Variants in SLMAP observed in about 807,000 individuals in gnomAD.
SLMAP encodes the protein sarcolemmal membrane-associated protein.
Under a neutral mutation model 128.8 loss-of-function variants are expected in SLMAP, and 44 were observed. The ratio of observed to expected loss-of-function variants is 0.34; its 90% CI spans 0.27 to 0.44. SLMAP has a LOEUF of 0.44. Among genes scored for constraint, SLMAP ranks in the 20% least tolerant of loss-of-function variants. The probability of loss-of-function intolerance (pLI) is 1.00; values close to 1 mark genes in which losing one functional copy is unlikely to be tolerated. For missense variants in SLMAP, 787 were observed against 985.3 expected (o/e 0.80, Z 2.69); for synonymous variants, 327 against 348.8 (o/e 0.94, Z 0.70).
chr3:57,760,720 T>TAA (rs879442621), intron 2 of SLMAP, among the ~76,000 whole-genome samples: 2 of 144,034 alleles, frequency 1.4e-5, no homozygotes. Context: ...CCCTGTCTCT[T>TAA]AAAAAAAAAA....
chr3:57,853,553 C>A (rs2094581624), intron 6 of SLMAP, among the ~76,000 whole-genome samples: 1 of 152,058 alleles, frequency 6.6e-6, no homozygotes, highest in South Asian at 2.1e-4. Context: ...AGCATTTCAC[C>A]TTGATTCTGA....
intron 14 of SLMAP, among the ~76,000 whole-genome samples, chr3:57,874,202 G>C (rs544335280): frequency 2.0e-5 from 3 of 152,270 alleles, no homozygotes; most frequent in African/African-American, 7.2e-5. Flanking sequence ...TAAGGTGGGA[G>C]GACCCCCTGA....
intron 17 of SLMAP, chr3:57,897,237 A>C: frequency 1.8e-6 from 1 of 560,414 alleles, no homozygotes; most frequent in Non-Finnish European, 2.7e-6. Flanking sequence ...CGCTTTTAAC[A>C]TAATTAGAAT....
chr3:57,835,607 C>T (rs2093603199), intron 3 of SLMAP, among the ~76,000 whole-genome samples: 2 of 151,914 alleles, frequency 1.3e-5, no homozygotes, highest in African/African-American at 2.4e-5. Flanking sequence ...GTAGTTGTGT[C>T]GCTGAATAAC....
intron 22 of SLMAP, among the ~76,000 whole-genome samples, chr3:57,920,124 C>T (rs2096889845): frequency 6.6e-6 from 1 of 152,208 alleles, no homozygotes; most frequent in South Asian, 2.1e-4. Flanking sequence ...GATCATGGGT[C>T]ATTGAGAATT....
At chr3:57,917,250 T>C (rs2096831755) in intron 22 of SLMAP, 173 bp downstream of exon 22, 2 of 1,461,748 alleles carry the variant, frequency 1.4e-6, no homozygotes, top group Non-Finnish European at 1.8e-6. Context: ...ATGGTCCATA[T>C]GTAGAGAATT....
intron 14 of SLMAP, among the ~76,000 whole-genome samples, chr3:57,872,964 C>T (rs1172668157): frequency 6.6e-6 from 1 of 152,074 alleles, no homozygotes; most frequent in Non-Finnish European, 1.5e-5. Flanking sequence ...CCCCCGCTAC[C>T]CTGCCCCACT....
intron 2 of SLMAP, among the ~76,000 whole-genome samples, chr3:57,788,871 C>T (rs202112885): frequency 1.4e-5 from 1 of 69,080 alleles, no homozygotes; most frequent in Admixed American, 1.6e-4. Flanking sequence ...GGGAGTGTGA[C>T]AGGGAGTGTG....
chr3:57,803,022 A>G (rs2088931141), intron 2 of SLMAP, among the ~76,000 whole-genome samples: 1 of 152,222 alleles, frequency 6.6e-6, no homozygotes, highest in Admixed American at 6.5e-5. Flanking sequence ...CAGGTAAATG[A>G]AAAGTTCTAA....
At chr3:57,899,923 G>A (rs903104539) in intron 17 of SLMAP, 2 of 152,072 alleles carry the variant, frequency 1.3e-5, no homozygotes, top group African/African-American at 4.8e-5. Flanking sequence ...AGTTTCTCTT[G>A]TAAGAGTTTT....
At chr3:57,798,557 T>C (rs1030215173) in intron 2 of SLMAP, among the ~76,000 whole-genome samples, 1 of 152,170 alleles carries the variant, frequency 6.6e-6, no homozygotes, top group Admixed American at 6.5e-5. Context: ...CAAGAGAATA[T>C]ATATTATAGC....
chr3:57,880,864 G>A (rs1169338915), intron 14 of SLMAP, among the ~76,000 whole-genome samples: 1 of 152,134 alleles, frequency 6.6e-6, no homozygotes, highest in Non-Finnish European at 1.5e-5. Context: ...CAGTCTGGGT[G>A]ACGGAGTGAG....
rs561013789 is a variant in SLMAP, at chr3:57,785,835, G to A, written c.198+27986G>A. On this transcript the variant is annotated intron_variant, in intron 2 of 24. Coordinates refer to ENST00000671191, the MANE Select transcript of SLMAP (RefSeq NM_001377540.1). ...AAATGGCCATGAAATCTCTTCACCT[G>A]TTCTTTACCATATGTTATTTTTGTA... 1.8e-3 allele frequency among the ~76,000 whole-genome samples: 267 copies of A among 152,208 alleles called. 2 individuals carry two copies. In the Middle Eastern group the frequency reaches 0.031, roughly 17 times the overall value.
chr3:57,882,800 A>G lies in SLMAP; in HGVS notation c.1301-7241A>G, dbSNP rs546923469. Among the ~76,000 whole-genome samples the G allele has an allele frequency of 2.0e-5, 3 of 152,282 alleles. No homozygotes were observed. In the South Asian group the frequency reaches 6.2e-4, roughly 32 times the overall value. ...AGGGTGAGAGAGTTTGGAGCAATAAATTACAATCTTCTGATATGTGTTTAT... is the reference window on the plus strand; with the variant it reads ...AGGGTGAGAGAGTTTGGAGCAATAAGTTACAATCTTCTGATATGTGTTTAT... On this transcript the variant is annotated intron_variant, in intron 14 of 24. Transcript: ENST00000671191.
chr3:57,871,922 T>TA (rs1171225936), intron 14 of SLMAP, among the ~76,000 whole-genome samples: 1 of 152,162 alleles, frequency 6.6e-6, no homozygotes, highest in Non-Finnish European at 1.5e-5. Context: ...ATAGCTACCA[T>TA]AAAAAAGAGG....
chr3:57,908,036 GGAT>G lies in SLMAP; in HGVS notation c.1624+32_1624+34del, dbSNP rs753482275. 53 of 1,609,242 alleles carry G rather than the reference GGAT, an allele frequency of 3.3e-5. No homozygotes were observed. The East Asian group carries it at 1.2e-3, about 35-fold the overall frequency. ...GATCAAGATTACTTTGGTTCTTTAGGGATGTGTGGAGGCAGCACAATATAATTG... is the reference window on the plus strand; with the variant it reads ...GATCAAGATTACTTTGGTTCTTTAGGGTGTGGAGGCAGCACAATATAATTG... On this transcript the variant is annotated intron_variant, in intron 18 of 24. Coordinates refer to ENST00000671191, the MANE Select transcript of SLMAP (RefSeq NM_001377540.1).
At chr3:57,796,362 G>A (rs1463976473) in intron 2 of SLMAP, among the ~76,000 whole-genome samples, 1 of 151,690 alleles carries the variant, frequency 6.6e-6, no homozygotes, top group African/African-American at 2.4e-5. Context: ...AAAGAGTGTG[G>A]AATTAGGATA....
chr3:57,793,813 A>C (rs2086068672), intron 2 of SLMAP, among the ~76,000 whole-genome samples: 1 of 151,470 alleles, frequency 6.6e-6, no homozygotes, highest in Non-Finnish European at 1.5e-5. Context: ...TAATCCCAAC[A>C]CTTTGGGAGG....
Position 57,912,158 on chromosome 3 carries a change from A to G in SLMAP, c.1700-223A>G, listed in dbSNP as rs73090308. On this transcript the variant is annotated intron_variant, in intron 19 of 24. Transcript: ENST00000671191. ...GCATAGGAAAAAATCCAGAAGGAAT[A>G]TCAGAAGTAATTTTCTGTGTGTTGG... 60,354 of 446,612 alleles carry G rather than the reference A, an allele frequency of 0.14. 4,385 individuals are homozygous for G. The highest frequency in any genetic ancestry group is 0.17 in the African/African-American group (8,799 of 51,872). The allele number at this position is 446,612 out of a possible 1,614,324, so 27.7% of individuals were successfully genotyped here.
Sources: allele counts gnomAD v4.1 joint callset (sites outside exome capture counted in the v4.1 genomes callset), GRCh38; gene constraint gnomAD v4.1.1; transcripts MANE v1.5; gene names NCBI Gene and HGNC (gene_info 2026-07-23, HGNC 2026-07-21).